ASB15: variants seen among roughly 807,000 people sequenced by gnomAD.
ASB15 encodes ankyrin repeat and SOCS box protein 15.
Under a neutral mutation model 58.0 loss-of-function variants are expected in ASB15, and 54 were observed. The ratio of observed to expected loss-of-function variants is 0.93; its 90% CI spans 0.75 to 1.17. ASB15 has a LOEUF of 1.17. Ranked by LOEUF, ASB15 falls within the 50% of genes most tolerant of loss-of-function variation. ASB15 has a pLI of 0.00. For missense variants in ASB15, 680 were observed against 707.4 expected, an observed-to-expected ratio of 0.96 and a Z score of 0.44; for synonymous variants, 249 against 262.4, an observed-to-expected ratio of 0.95 and a Z score of 0.50.
intron 1 of ASB15, among the ~76,000 whole-genome samples, chr7:123,571,214 G>C (rs1321427495): frequency 6.6e-6 from 1 of 152,238 alleles, no homozygotes; most frequent in Non-Finnish European, 1.5e-5. Context: ...GGTCAAGTGA[G>C]ATTGGGAGCA....
intron 1 of ASB15, among the ~76,000 whole-genome samples, chr7:123,590,981 G>A (rs898944786): frequency 6.6e-6 from 1 of 152,130 alleles, no homozygotes; most frequent in South Asian, 2.1e-4. Context: ...TTATTGAGCA[G>A]TGGTTTGTAG....
chr7:123,622,457 C>T (rs1801393890), intron 7 of ASB15, among the ~76,000 whole-genome samples: 1 of 152,034 alleles, frequency 6.6e-6, no homozygotes, highest in African/African-American at 2.4e-5. Context: ...CTACCATTTG[C>T]ATTATTATTT....
intron 11 of ASB15, among the ~76,000 whole-genome samples, chr7:123,635,569 A>G (rs2116691514): frequency 1.3e-5 from 2 of 149,660 alleles, no homozygotes; most frequent in South Asian, 4.3e-4. Context: ...TTGCTTTTAA[A>G]TGGAAATTAA....
chr7:123,601,777 C>T (rs559995935), upstream of ASB15: 1 of 152,198 alleles, frequency 6.6e-6, no homozygotes, highest in South Asian at 2.1e-4. Flanking sequence ...TTCAGTTGTA[C>T]AAGGTCAGGT....
upstream of ASB15, among the ~76,000 whole-genome samples, chr7:123,597,952 G>GTGTT (rs1554387423): frequency 3.0e-3 from 459 of 151,808 alleles, 1 homozygote; most frequent in Non-Finnish European, 5.5e-3. Context: ...GTGTGTGTGT[G>GTGTT]TGTGTGTGTC....
At chr7:123,608,386 T>C (rs893373160) in intron 2 of ASB15, among the ~76,000 whole-genome samples, 12 of 152,224 alleles carry the variant, frequency 7.9e-5, no homozygotes, top group Non-Finnish European at 1.0e-4. Context: ...ATGCCAGATA[T>C]CATGTTTAGT....
At chr7:123,609,729 G>A (rs1441263968) in intron 3 of ASB15, among the ~76,000 whole-genome samples, 7 of 152,196 alleles carry the variant, frequency 4.6e-5, no homozygotes. Context: ...CGTGCTGTGG[G>A]AGCTACTGTA....
chr7:123,580,645 A>G (rs931123170), intron 1 of ASB15, among the ~76,000 whole-genome samples: 1 of 151,998 alleles, frequency 6.6e-6, no homozygotes, highest in Admixed American at 6.6e-5. Context: ...CATCTCTCCA[A>G]GTGAATGCAA....
In ASB15 at chr7:123,629,263, A is replaced by G. The variant is rs376758380; in HGVS notation, c.1269A>G (p.Gln423=). The G allele has an allele frequency of 3.2e-5, 52 of 1,614,014 alleles. No individual in the cohort carries two copies. The highest frequency in any genetic ancestry group is 2.9e-4 in the East Asian group (13 of 44,884). ...ACACTCGTTTCCCCAGTGTCATTCA[A>G]TATGCTCTAAACGACGAGGTAATGC... The part of the protein sequence containing the change: ...VNDTRFPSVI[Q]YALNDEVMLR... The change falls in exon 10 of 12, where the codon CAA becomes CAG. Residue 423 remains glutamine (Q), a synonymous_variant. Coordinates refer to ENST00000451215, the MANE Select transcript of ASB15 (RefSeq NM_001290258.2).
At chr7:123,571,982 G>A (rs1006558899) in intron 1 of ASB15, among the ~76,000 whole-genome samples, 2 of 151,820 alleles carry the variant, frequency 1.3e-5, no homozygotes, top group Admixed American at 1.3e-4. Flanking sequence ...TACATCTTTT[G>A]TAGGGATCTT....
In ASB15 at chr7:123,616,399, A is replaced by G. The variant is rs146389595; in HGVS notation, c.196A>G (p.Lys66Glu). The G allele has an allele frequency of 1.2e-3, 1,865 of 1,608,076 alleles. 10 individuals carry two copies. The Middle Eastern group carries it at 0.015, about 13-fold the overall frequency. ...TGAGCTCCAGGAGTATGTAAAATAT[A>G]AATATGCAATGGATGAAGCTGATGA... Reference protein sequence around the residue: ...IPELQEYVKYKYAMDEADEKG... With the variant: ...IPELQEYVKYEYAMDEADEKG... The change falls in exon 6 of 12, where the codon AAA (lysine) becomes GAA (glutamate). Residue 66 changes from lysine to glutamate, a missense_variant. By Grantham distance (56) the Lys-to-Glu change is moderately conservative. Coordinates refer to ENST00000451215, the MANE Select transcript of ASB15 (RefSeq NM_001290258.2).
Position 123,624,789 on chromosome 7 carries a change from C to T in ASB15, c.672C>T (p.Asp224=). The T allele has an allele frequency of 2.5e-6, 4 of 1,614,026 alleles. No homozygotes were observed. Among genetic ancestry groups the T allele is most frequent in the African/African-American group, 1.3e-5 (1 of 75,030 alleles). Residue 224 remains aspartate, a synonymous_variant, in exon 8 of 12, where the codon GAC becomes GAT. Coordinates refer to ENST00000451215, the MANE Select transcript of ASB15 (RefSeq NM_001290258.2). ...LGVAAEYGHC[D]VLEHLIHKGG... is the part of the protein sequence containing the mutation. The stretch of plus-strand genomic sequence containing the variant: ...TCGCTGCCGAGTATGGTCACTGTGA[C>T]GTGTTAGAACATCTAATCCACAAAG...
At chr7:123,583,094 AATG>A (rs1292468245) in intron 1 of ASB15, among the ~76,000 whole-genome samples, 1 of 152,022 alleles carries the variant, frequency 6.6e-6, no homozygotes, top group African/African-American at 2.4e-5. Context: ...GAGAACATAA[AATG>A]ATAACATTGT....
chr7:123,575,244 A>G (rs548579409), intron 1 of ASB15, among the ~76,000 whole-genome samples: 22 of 152,186 alleles, frequency 1.4e-4, no homozygotes, highest in African/African-American at 4.8e-4. Context: ...GTTCCCTACT[A>G]GGAAAAAACA....
chr7:123,626,217 G>A (rs2116628417), intron 8 of ASB15, among the ~76,000 whole-genome samples: 1 of 152,312 alleles, frequency 6.6e-6, no homozygotes, highest in Admixed American at 6.5e-5. Context: ...AGTTAAAATA[G>A]AGGGGGCCGG....
At chr7:123,610,725 C>A (rs1800388837) in intron 3 of ASB15, among the ~76,000 whole-genome samples, 1 of 152,146 alleles carries the variant, frequency 6.6e-6, no homozygotes, top group African/African-American at 2.4e-5. Flanking sequence ...AATGAAGAGG[C>A]TGATTGTACA....
At chr7:123,628,827 C>T (rs1214483985) in intron 9 of ASB15, 37 bp from the exon 10 acceptor site, 1 of 1,358,082 alleles carries the variant, frequency 7.4e-7, no homozygotes, top group Non-Finnish European at 1.0e-6. Context: ...TCTTGATTTT[C>T]TTTATGGCAA....
At chr7:123,615,381 TA>T (rs900921811) in intron 4 of ASB15, 4 of 152,296 alleles carry the variant, frequency 2.6e-5, no homozygotes, top group African/African-American at 9.6e-5. Context: ...ATCCAGTGTT[TA>T]AAAATTGTTG....
At position 123,639,407 on chromosome 7, in the gene ASB15, T is replaced by C. The variant is rs1802542233; in HGVS notation, c.*2426T>C. 1 of 152,212 alleles carries C rather than the reference T, an allele frequency of 6.6e-6. No homozygotes were observed. The highest frequency in any genetic ancestry group is 2.1e-4 in the South Asian group (1 of 4,832). 9.4% of individuals were successfully genotyped at this position (152,212 alleles called of 1,614,324 possible). On this transcript the variant is annotated 3_prime_UTR_variant, in exon 12 of 12. Coordinates refer to ENST00000451215, the MANE Select transcript of ASB15 (RefSeq NM_001290258.2). ...GTATTGTTACCTAAAAATATTACTC[T>C]AATGAATAAAAAATCATATTGAGGT...
Sources: allele counts gnomAD v4.1 joint callset (sites outside exome capture counted in the v4.1 genomes callset), GRCh38; gene constraint gnomAD v4.1.1; transcripts MANE v1.5; gene names NCBI Gene and HGNC (gene_info 2026-07-23, HGNC 2026-07-21).